The following PPP2R3A variants were observed in gnomAD, a reference collection of about 807,000 sequenced individuals.
PPP2R3A encodes protein phosphatase 2 regulatory subunit B''alpha.
PPP2R3A carries 80 observed loss-of-function variants against 106.9 expected under a neutral mutation model. The observed-to-expected ratio is 0.75, with a 90% CI of 0.62 to 0.90. The LOEUF (loss-of-function observed/expected upper bound fraction) is 0.90. PPP2R3A is among the 40% of genes least tolerant of loss of function. The probability of loss-of-function intolerance (pLI) is 0.00; values close to 1 mark genes in which losing one functional copy is unlikely to be tolerated. For synonymous variants in PPP2R3A, 483 were observed against 468.3 expected (o/e 1.03, Z -0.41); for missense variants, 1,386 against 1,350.4 (o/e 1.03, Z -0.41).
chr3:135,987,828 A>C (rs1932985675), intron 1 of PPP2R3A, among the ~76,000 whole-genome samples: 1 of 152,190 alleles, frequency 6.6e-6, no homozygotes, highest in Non-Finnish European at 1.5e-5. Flanking sequence ...CACATGTAGG[A>C]AGTGGCTGCT....
intron 5 of PPP2R3A, among the ~76,000 whole-genome samples, chr3:136,068,371 G>A (rs1405816949): frequency 6.6e-6 from 1 of 150,630 alleles, no homozygotes; most frequent in African/African-American, 2.4e-5. Flanking sequence ...AAAGTAAATA[G>A]GCCGGGCATG....
intron 13 of PPP2R3A, among the ~76,000 whole-genome samples, chr3:136,128,130 A>C (rs568695146): frequency 1.3e-5 from 2 of 152,220 alleles, no homozygotes; most frequent in African/African-American, 2.4e-5. Flanking sequence ...ACCAGTGAAC[A>C]TCATAATGAC....
chr3:136,049,113 C>G (rs1935581620), intron 4 of PPP2R3A, 146 bp from the exon 5 acceptor site: 6 of 632,468 alleles, frequency 9.5e-6, no homozygotes, highest in Non-Finnish European at 1.6e-5. Flanking sequence ...GCTCATCATT[C>G]TAAAACATCC....
intron 4 of PPP2R3A, among the ~76,000 whole-genome samples, chr3:136,043,156 A>G (rs987274904): frequency 5.9e-5 from 9 of 152,056 alleles, no homozygotes; most frequent in African/African-American, 2.2e-4. Flanking sequence ...CAAATATAAA[A>G]GTCATAAGAA....
chr3:135,995,950 G>A (rs1212357428), intron 1 of PPP2R3A, among the ~76,000 whole-genome samples: 1 of 152,090 alleles, frequency 6.6e-6, no homozygotes, highest in Non-Finnish European at 1.5e-5. Flanking sequence ...AGAGTGTTTG[G>A]TGATGACGCA....
Position 136,145,286 on chromosome 3 carries a change from G to A in PPP2R3A, c.*120G>A. The A allele has an allele frequency of 7.8e-7, 1 of 1,277,450 alleles. No individual in the cohort carries two copies. The highest frequency in any genetic ancestry group is 1.6e-5 in the South Asian group (1 of 63,888). 79.1% of individuals were successfully genotyped at this position (1,277,450 alleles called of 1,614,324 possible). ...TGATTTCTCCAAGTGTGTATCATCT[G>A]CACTAGGAACTTTGTTTTTAAGCAA... On this transcript the variant is annotated 3_prime_UTR_variant, in exon 14 of 14. Transcript: ENST00000264977.
chr3:136,085,156 C>T (rs1936891526), intron 8 of PPP2R3A, among the ~76,000 whole-genome samples: 1 of 152,136 alleles, frequency 6.6e-6, no homozygotes, highest in Non-Finnish European at 1.5e-5. Flanking sequence ...TGAATTGTAG[C>T]TCCCATAATC....
chr3:136,089,978 A>G (rs1291459357), intron 9 of PPP2R3A, among the ~76,000 whole-genome samples: 1 of 152,118 alleles, frequency 6.6e-6, no homozygotes, highest in Non-Finnish European at 1.5e-5. Flanking sequence ...ACTTTAATGA[A>G]ATTATTATTA....
rs370035579 is a variant in PPP2R3A at position 136,142,888 on chromosome 3, C to G, written c.3330-2155C>G. 3.3e-5 allele frequency among the ~76,000 whole-genome samples: 5 copies of G among 152,296 alleles called. No homozygotes were observed. The East Asian group carries it at 9.6e-4, about 29-fold the overall frequency. On this transcript the variant is annotated intron_variant, in intron 13 of 13. Coordinates refer to ENST00000264977, the MANE Select transcript of PPP2R3A (RefSeq NM_002718.5). Reference sequence around the variant, plus strand: ...GGCACCAAGGGGAAGATGCTCCCATCCTGACAAGAAATCAGCAGCATTGGT... The same window carrying G: ...GGCACCAAGGGGAAGATGCTCCCATGCTGACAAGAAATCAGCAGCATTGGT...
In PPP2R3A at chr3:136,128,926, C is replaced by A. The variant is rs191040805; in HGVS notation, c.3330-16117C>A. Among the ~76,000 whole-genome samples, 463 of 152,182 alleles carry A rather than the reference C, an allele frequency of 3.0e-3. 3 individuals carry two copies. Among genetic ancestry groups the A allele is most frequent in the African/African-American group, 0.011 (441 of 41,524 alleles). On this transcript the variant is annotated intron_variant, in intron 13 of 13. Coordinates refer to ENST00000264977, the MANE Select transcript of PPP2R3A (RefSeq NM_002718.5). ...CCTGCTCCTGAATGACTACTGGGTA[C>A]ATAACGAAATGAAGGCAGAAATAAA...
intron 7 of PPP2R3A, 132 bp downstream of exon 7, chr3:136,078,585 A>G (rs1936671792): frequency 1.6e-6 from 1 of 643,712 alleles, no homozygotes; most frequent in Non-Finnish European, 2.7e-6. Context: ...TTTATCAAAT[A>G]CCTGTCGTGG....
intron 1 of PPP2R3A, among the ~76,000 whole-genome samples, chr3:135,990,279 A>G (rs1176560244): frequency 6.6e-6 from 1 of 152,076 alleles, no homozygotes; most frequent in East Asian, 1.9e-4. Context: ...AGAATCCACT[A>G]GGCGCTGAAG....
intron 5 of PPP2R3A, among the ~76,000 whole-genome samples, chr3:136,068,246 CCTGAAGGAG>C (rs1490666087): frequency 6.6e-6 from 1 of 152,066 alleles, no homozygotes; most frequent in East Asian, 1.9e-4. Context: ...CAGGAGCCAA[CCTGAAGGAG>C]CTCCTAATGG....
rs147310424 is a variant in PPP2R3A at position 136,082,383 on chromosome 3, A to G, written c.2750A>G (p.Tyr917Cys). 2 of 1,613,774 alleles carry G rather than the reference A, an allele frequency of 1.2e-6. No homozygotes were observed. Among genetic ancestry groups the G allele is most frequent in the African/African-American group, 2.7e-5 (2 of 74,916 alleles). Reference sequence around the variant, plus strand: ...GAACTAGATACTGATCACGACCTCTACATCAGCCAGGCCGATCTGTCTCGA... The same window carrying G: ...GAACTAGATACTGATCACGACCTCTGCATCAGCCAGGCCGATCTGTCTCGA... ...FWELDTDHDL[Y>C]ISQADLSRYN... The change falls in exon 8 of 14, where the codon TAC becomes TGC. Residue 917 changes from tyrosine to cysteine, a missense_variant. Coordinates refer to ENST00000264977, the MANE Select transcript of PPP2R3A (RefSeq NM_002718.5).
chr3:136,045,853 C>T (rs991294708), intron 4 of PPP2R3A, among the ~76,000 whole-genome samples: 4 of 152,166 alleles, frequency 2.6e-5, no homozygotes, highest in Non-Finnish European at 5.9e-5. Flanking sequence ...CATGAATTGC[C>T]TGAGAAAACC....
intron 13 of PPP2R3A, among the ~76,000 whole-genome samples, chr3:136,127,931 AG>A (rs1938245711): frequency 6.6e-6 from 1 of 152,202 alleles, no homozygotes; most frequent in Non-Finnish European, 1.5e-5. Flanking sequence ...TAAGTGAAGG[AG>A]AAAGAAAATC....
intron 2 of PPP2R3A, 141 bp from the exon 3 acceptor site, chr3:136,026,691 C>T: frequency 1.5e-6 from 1 of 656,904 alleles, no homozygotes; most frequent in Non-Finnish European, 2.4e-6. Context: ...TCCCTAGAAA[C>T]ATGCTTACCA....
chr3:135,997,123 C>G (rs1363105721), intron 1 of PPP2R3A, among the ~76,000 whole-genome samples: 1 of 152,158 alleles, frequency 6.6e-6, no homozygotes, highest in African/African-American at 2.4e-5. Flanking sequence ...ATTCATATCT[C>G]CATTCTCTTC....
At chr3:136,079,030 A>C (rs1042970877) in intron 7 of PPP2R3A, 1 of 297,602 alleles carries the variant, frequency 3.4e-6, no homozygotes, top group Non-Finnish European at 6.9e-6. Flanking sequence ...CATAAAGTGA[A>C]ATTGTTCACA....
Sources: allele counts gnomAD v4.1 joint callset (sites outside exome capture counted in the v4.1 genomes callset), GRCh38; gene constraint gnomAD v4.1.1; transcripts MANE v1.5; gene names NCBI Gene and HGNC (gene_info 2026-07-23, HGNC 2026-07-21).